AHCYL2: variants seen among roughly 807,000 people sequenced by gnomAD.
The protein encoded by AHCYL2 is adenosylhomocysteinase like 2.
Under a neutral mutation model 81.4 loss-of-function variants are expected in AHCYL2, and 28 were observed. The ratio of observed to expected loss-of-function variants is 0.34; its 90% CI spans 0.25 to 0.47. The LOEUF (loss-of-function observed/expected upper bound fraction) is 0.47, where lower values mean the gene tolerates loss of function less well. Among genes scored for constraint, AHCYL2 ranks in the 20% least tolerant of loss-of-function variants. The probability of loss-of-function intolerance (pLI) is 1.00; values close to 1 mark genes in which losing one functional copy is unlikely to be tolerated. For synonymous variants in AHCYL2, 272 were observed against 290.2 expected (o/e 0.94, Z 0.64); for missense variants, 551 against 785.1 (o/e 0.70, Z 3.56).
intron 1 of AHCYL2, among the ~76,000 whole-genome samples, chr7:129,243,062 C>T (rs1236971684): frequency 6.7e-6 from 1 of 148,210 alleles, no homozygotes; most frequent in African/African-American, 2.5e-5. Flanking sequence ...ACTCTGTCGC[C>T]CAGGCTGGAG....
intron 1 of AHCYL2, among the ~76,000 whole-genome samples, chr7:129,350,224 G>C (rs138597397): frequency 2.0e-5 from 3 of 152,144 alleles, no homozygotes; most frequent in Non-Finnish European, 2.9e-5. Flanking sequence ...TATGAGCTCT[G>C]ATCTTGGGTC....
At chr7:129,330,013 T>C (rs1029723765) in intron 1 of AHCYL2, among the ~76,000 whole-genome samples, 1 of 152,208 alleles carries the variant, frequency 6.6e-6, no homozygotes, top group Non-Finnish European at 1.5e-5. Flanking sequence ...TTTAATTTTT[T>C]AAAAGACAGA....
At chr7:129,303,075 A>G (rs1797306715) in intron 1 of AHCYL2, among the ~76,000 whole-genome samples, 1 of 152,136 alleles carries the variant, frequency 6.6e-6, no homozygotes, top group African/African-American at 2.4e-5. Context: ...ATCTTGGCTC[A>G]CCGCAACCTC....
At chr7:129,336,754 TA>T (rs1450063084) in intron 1 of AHCYL2, among the ~76,000 whole-genome samples, 1 of 152,058 alleles carries the variant, frequency 6.6e-6, no homozygotes, top group East Asian at 1.9e-4. Context: ...TAATAAAACG[TA>T]ATTTTTTTTT....
intron 12 of AHCYL2, among the ~76,000 whole-genome samples, chr7:129,420,354 T>C (rs548457630): frequency 1.3e-5 from 2 of 152,282 alleles, no homozygotes; most frequent in South Asian, 4.1e-4. Flanking sequence ...AAAACTGCCA[T>C]TGTCACCAAG....
intron 1 of AHCYL2, among the ~76,000 whole-genome samples, chr7:129,289,432 T>TA (rs1162894393): frequency 6.6e-6 from 1 of 152,226 alleles, no homozygotes; most frequent in Non-Finnish European, 1.5e-5. Context: ...TGATGATTTT[T>TA]ACTTAGATCC....
At position 129,406,186 on chromosome 7, in the gene AHCYL2, G is replaced by T. The variant is rs1488726482; in HGVS notation, c.1207-192G>T. 6.6e-6 allele frequency among the ~76,000 whole-genome samples: 1 copy of T among 152,012 alleles called. No individual in the cohort carries two copies. The highest frequency in any genetic ancestry group is 1.5e-5 in the Non-Finnish European group (1 of 68,024). ...TGTGGGTGTTCTTGTGCACATGAAT[G>T]CGATAAGCAGGAGCCAGGGGTTTGT... On this transcript the variant is annotated intron_variant, in intron 9 of 16. Coordinates refer to ENST00000325006, the MANE Select transcript of AHCYL2 (RefSeq NM_015328.4). The surrounding 1 kb of genome is among the most constrained non-coding windows in gnomAD (Gnocchi z 4.3).
chr7:129,319,920 G>A (rs1423932539), intron 1 of AHCYL2, among the ~76,000 whole-genome samples: 1 of 151,532 alleles, frequency 6.6e-6, no homozygotes, highest in South Asian at 2.1e-4. Context: ...TTTTTTTTAG[G>A]TAAATACAAA....
At position 129,422,903 on chromosome 7, in the gene AHCYL2, T is replaced by C. The variant is rs1797181846; in HGVS notation, c.1525T>C (p.Trp509Arg). ...GAGATCTCAAGTTGACCATGTGATA[T>C]GGCCTGATGGCAAGAGGATAGTACT... The part of the protein sequence containing the change: ...RVRSQVDHVI[W>R]PDGKRIVLLA... The change falls in exon 13 of 17, where the codon TGG (tryptophan) becomes CGG (arginine). Residue 509 changes from tryptophan to arginine, a missense_variant. Physicochemically the swap from Trp to Arg is moderately radical, Grantham distance 101. This residue lies in a region of AHCYL2 where 316 missense variants were observed against 543.1 expected (regional missense o/e 0.58). Transcript: ENST00000325006. 6.2e-7 allele frequency: 1 copy of C among 1,614,040 alleles called. No individual in the cohort carries two copies. Among genetic ancestry groups the C allele is most frequent in the African/African-American group, 1.3e-5 (1 of 74,908 alleles).
rs184188847 is a variant in AHCYL2 at position 129,299,645 on chromosome 7, G to A, written c.363+74206G>A. ...CCTTACCTCGTGATCCACCCGCCTT[G>A]GCCTCCCAAAGTGCTGGGATTACAG... On this transcript the variant is annotated intron_variant, in intron 1 of 16. Coordinates refer to ENST00000325006, the MANE Select transcript of AHCYL2 (RefSeq NM_015328.4). Among the ~76,000 whole-genome samples, 110 of 152,124 alleles carry A rather than the reference G, an allele frequency of 7.2e-4. 1 individual carries two copies. The highest frequency in any genetic ancestry group is 2.6e-3 in the African/African-American group (107 of 41,514).
intron 1 of AHCYL2, among the ~76,000 whole-genome samples, chr7:129,248,746 A>G (rs1373249108): frequency 6.6e-6 from 1 of 151,884 alleles, no homozygotes; most frequent in Non-Finnish European, 1.5e-5. Flanking sequence ...ATTTCATTGA[A>G]TCTGTAGGTC....
intron 1 of AHCYL2, among the ~76,000 whole-genome samples, chr7:129,227,840 C>G (rs950728977): frequency 6.6e-6 from 1 of 152,152 alleles, no homozygotes; most frequent in Admixed American, 6.5e-5. Context: ...AAAAAAACAA[C>G]TTCTCTGCTG....
intron 6 of AHCYL2, among the ~76,000 whole-genome samples, chr7:129,402,941 T>C (rs1036555476): frequency 2.6e-5 from 4 of 152,136 alleles, no homozygotes; most frequent in Non-Finnish European, 5.9e-5. Flanking sequence ...TTTTTCTTTT[T>C]TTTCTCAAGA....
At chr7:129,374,523 G>T (rs144042505) in intron 1 of AHCYL2, among the ~76,000 whole-genome samples, 2,362 of 151,212 alleles carry the variant, frequency 0.016, 62 homozygotes, top group African/African-American at 0.054. Flanking sequence ...AAAAAAATCT[G>T]CCGGCTGGGT....
intron 5 of AHCYL2, among the ~76,000 whole-genome samples, chr7:129,399,218 G>A (rs1323047494): frequency 1.3e-5 from 2 of 149,808 alleles, no homozygotes; most frequent in African/African-American, 4.9e-5. Flanking sequence ...GGAGCCTGAG[G>A]TGGGCGGATC....
intron 1 of AHCYL2, among the ~76,000 whole-genome samples, chr7:129,348,585 T>A (rs1449150604): frequency 6.6e-6 from 1 of 152,144 alleles, no homozygotes; most frequent in East Asian, 1.9e-4. Context: ...AAAATTCAGA[T>A]TTTAGAAACC....
At chr7:129,408,961 G>A (rs1326946880) in intron 10 of AHCYL2, among the ~76,000 whole-genome samples, 1 of 152,044 alleles carries the variant, frequency 6.6e-6, no homozygotes, top group Admixed American at 6.6e-5. Flanking sequence ...CAATAGTCCT[G>A]GCTACTCAGG....
chr7:129,354,831 C>A (rs1010433604), intron 1 of AHCYL2, among the ~76,000 whole-genome samples: 2 of 152,158 alleles, frequency 1.3e-5, no homozygotes, highest in Non-Finnish European at 2.9e-5. Flanking sequence ...GGATTTATAG[C>A]TCCCGTAGGA....
At chr7:129,375,182 C>G (rs1175092951) in intron 1 of AHCYL2, among the ~76,000 whole-genome samples, 1 of 152,142 alleles carries the variant, frequency 6.6e-6, no homozygotes, top group East Asian at 1.9e-4. Flanking sequence ...AATGTCAAAA[C>G]CTGTATAAAA....
Sources: gnomAD v4.1 joint callset for allele counts (sites outside exome capture counted in the v4.1 genomes callset) on GRCh38, gnomAD v4.1.1 for gene constraint, gnomAD v4.1.1 regional missense constraint, Gnocchi (gnomAD v3.1) non-coding constraint, MANE v1.5 for transcripts, NCBI Gene and HGNC (gene_info 2026-07-23, HGNC 2026-07-21) for gene names.